The following ALS2CL variants were observed in gnomAD, a reference collection of about 807,000 sequenced individuals.
The protein encoded by ALS2CL is ALS2 C-terminal-like protein.
In ALS2CL, 112 loss-of-function variants were observed where a neutral mutation model predicts 127.9. The observed-to-expected ratio is 0.88, with a 90% confidence interval of 0.75 to 1.02. ALS2CL has a LOEUF of 1.02. ALS2CL is among the 50% of genes least tolerant of loss of function. ALS2CL has a pLI of 0.00. For missense variants in ALS2CL, 1,174 were observed against 1,236.7 expected (o/e 0.95, Z 0.76); for synonymous variants, 519 against 527.6 (o/e 0.98, Z 0.22).
At position 46,671,959 on chromosome 3, in the gene ALS2CL, C is replaced by G; in HGVS notation, c.2609G>C (p.Arg870Thr). 1 of 1,614,000 alleles carries G rather than the reference C, an allele frequency of 6.2e-7. No homozygotes were observed. ...CAGCTTGTACTCCCGGCCCAATACC[C>G]TCGACACCGTGCCCTCAATTTCCCC... ...TYGEIEGTVS[R>T]VLGREYKLPM... The change falls in exon 24 of 26, where the codon AGG becomes ACG. Residue 870 changes from arginine to threonine, a missense_variant. Coordinates refer to ENST00000318962, the MANE Select transcript of ALS2CL (RefSeq NM_147129.5).
Position 46,676,274 on chromosome 3 carries a change from C to A in ALS2CL, c.2157G>T (p.Gln719His). ...LQELAQEEVK[Q>H]HAQELWAAYR... ...AGGCAGCCCAGAGTTCCTGGGCATGCTGCTTCACCTCCTCCTGGGCCAGCT... is the reference window on the plus strand; with the variant it reads ...AGGCAGCCCAGAGTTCCTGGGCATGATGCTTCACCTCCTCCTGGGCCAGCT... The change falls in exon 19 of 26, where the codon CAG becomes CAT. Residue 719 changes from glutamine to histidine, a missense_variant. By Grantham distance (24) the Gln-to-His change is conservative. Transcript: ENST00000318962. 1 of 1,613,508 alleles carries A rather than the reference C, an allele frequency of 6.2e-7. No individual in the cohort carries two copies. The highest frequency in any genetic ancestry group is 1.1e-5 in the South Asian group (1 of 91,046).
At position 46,672,214 on chromosome 3, in the gene ALS2CL, G is replaced by C. The variant is rs1278838291; in HGVS notation, c.2473-13C>G. The C allele has an allele frequency of 1.2e-6, 2 of 1,614,010 alleles. No homozygotes were observed. The highest frequency in any genetic ancestry group is 1.7e-5 in the Admixed American group (1 of 60,024). ...CCAGGGAGTACCTCTGCATGGTGGA[G>C]GGAGTGGGCTGGATGAGGCCATGGC... is the stretch of plus-strand genomic sequence containing the variant. On this transcript the variant is annotated splice_polypyrimidine_tract_variant and intron_variant, in intron 22 of 25. Coordinates refer to ENST00000318962, the MANE Select transcript of ALS2CL (RefSeq NM_147129.5).
chr3:46,676,415 A>C lies in ALS2CL; in HGVS notation c.2029-13T>G. 1 of 1,613,648 alleles carries C rather than the reference A, an allele frequency of 6.2e-7. No individual in the cohort carries two copies. The highest frequency in any genetic ancestry group is 8.5e-7 in the Non-Finnish European group (1 of 1,179,882). On this transcript the variant is annotated splice_polypyrimidine_tract_variant and intron_variant, in intron 18 of 25. Transcript: ENST00000318962. ...AGTTGCTCAGAGCCTGGGCCAGTGC[A>C]TAGGCAACAGAGAGAGACTAAGCAC...
rs1699558850 is a variant in ALS2CL at position 46,683,836 on chromosome 3, G to A, written c.858C>T (p.His286=). 3.7e-6 allele frequency: 6 copies of A among 1,614,182 alleles called. No homozygotes were observed. The highest frequency in any genetic ancestry group is 3.3e-4 in the Middle Eastern group (2 of 6,062). ...AGAACTCTTCTTCGGGCGTGAGGAGGTGAAACGTGCACCTAGACAGACGGA... is the reference window on the plus strand; with the variant it reads ...AGAACTCTTCTTCGGGCGTGAGGAGATGAAACGTGCACCTAGACAGACGGA... The part of the protein sequence containing the change: ...VDPGQDGCTF[H]LLTPEEEFSF... Residue 286 remains histidine, a synonymous_variant, in exon 9 of 26, where the codon CAC becomes CAT. Transcript: ENST00000318962.
chr3:46,683,705 A>G (rs1699544483), intron 9 of ALS2CL, 77 bp downstream of exon 9: 2 of 1,547,276 alleles, frequency 1.3e-6, no homozygotes, highest in Admixed American at 1.7e-5. Flanking sequence ...GGGGCCCTGC[A>G]GGGTTGCATA....
At chr3:46,674,848 C>A (rs1279327900) in intron 20 of ALS2CL, 109 bp from the exon 21 acceptor site, 9 of 1,061,408 alleles carry the variant, frequency 8.5e-6, no homozygotes, top group Non-Finnish European at 1.2e-5. Context: ...GTGTCCTGGC[C>A]TCCAGCCTCC....
intron 7 of ALS2CL, among the ~76,000 whole-genome samples, chr3:46,684,437 C>T (rs1699615980): frequency 6.6e-6 from 1 of 152,182 alleles, no homozygotes; most frequent in African/African-American, 2.4e-5. Flanking sequence ...TCCACAATCA[C>T]ACCTTCATGA....
rs376119152 is a variant in ALS2CL, at chr3:46,688,136, C to G, written c.264G>C (p.Leu88=). 1 of 1,613,080 alleles carries G rather than the reference C, an allele frequency of 6.2e-7. No individual in the cohort carries two copies. Among genetic ancestry groups the G allele is most frequent in the Non-Finnish European group, 8.5e-7 (1 of 1,180,008 alleles). Reference sequence around the variant, plus strand: ...GCAGTACACGGTCAGCACCTCGCAGCAGCAGCAGGGACTCCAGACCGGTGG... The same window carrying G: ...GCAGTACACGGTCAGCACCTCGCAGGAGCAGCAGGGACTCCAGACCGGTGG... The part of the protein sequence containing the change: ...PDSTGLESLL[L]LRGADRVLQA... The change falls in exon 3 of 26, where the codon CTG becomes CTC. Residue 88 remains leucine, a synonymous_variant. Coordinates refer to ENST00000318962, the MANE Select transcript of ALS2CL (RefSeq NM_147129.5).
intron 15 of ALS2CL, 86 bp from the exon 16 acceptor site, chr3:46,678,475 G>A: frequency 6.7e-7 from 1 of 1,497,542 alleles, no homozygotes; most frequent in Non-Finnish European, 9.0e-7. Flanking sequence ...CTGTCCATCA[G>A]TGTCAGAGAG....
chr3:46,672,730 C>T (rs191035734), intron 22 of ALS2CL, among the ~76,000 whole-genome samples: 152 of 152,334 alleles, frequency 1.0e-3, no homozygotes, highest in Non-Finnish European at 1.7e-3. Flanking sequence ...CGCAGTGGCT[C>T]ACGCCTGTAA....
At chr3:46,688,358 T>G in intron 2 of ALS2CL, 62 bp from the exon 3 acceptor site, 1 of 1,513,514 alleles carries the variant, frequency 6.6e-7, no homozygotes, top group South Asian at 1.2e-5. Flanking sequence ...CCAGGGAACA[T>G]GCACAGGCCC....
chr3:46,675,375 G>C lies in ALS2CL; in HGVS notation c.2255+243C>G, dbSNP rs1698728169. On this transcript the variant is annotated intron_variant, in intron 20 of 25. Coordinates refer to ENST00000318962, the MANE Select transcript of ALS2CL (RefSeq NM_147129.5). ...CTTCTGCATGCGAAAGATGAGATTGGGATCATACATTTAGAACAAAGATGC... is the reference window on the plus strand; with the variant it reads ...CTTCTGCATGCGAAAGATGAGATTGCGATCATACATTTAGAACAAAGATGC... 3 of 515,276 alleles carry C rather than the reference G, an allele frequency of 5.8e-6. No homozygotes were observed. In the South Asian group the frequency reaches 8.1e-5, roughly 14 times the overall value. 31.9% of individuals were successfully genotyped at this position (515,276 alleles called of 1,614,324 possible). A position where few individuals can be genotyped will look rare whatever the true frequency, so the allele number is the denominator to read the frequency against.
chr3:46,686,177 T>C lies in ALS2CL; in HGVS notation c.666+131A>G, dbSNP rs962698176. 3.8e-6 allele frequency: 5 copies of C among 1,333,326 alleles called. No homozygotes were observed. The Admixed American group carries it at 1.5e-4, about 39-fold the overall frequency. The allele number at this position is 1,333,326 out of a possible 1,614,324, so 82.6% of individuals were successfully genotyped here. On this transcript the variant is annotated intron_variant, in intron 6 of 25. Coordinates refer to ENST00000318962, the MANE Select transcript of ALS2CL (RefSeq NM_147129.5). This position sits in a 1 kb window ranked among gnomAD's most constrained non-coding sequence, Gnocchi z 4.3. The stretch of plus-strand genomic sequence containing the variant: ...CAGAGGGACCTTACAGCCACCTGCT[T>C]CAGCCATCACTCCCCCTTCCATATA...
chr3:46,672,969 G>A (rs909162896), intron 22 of ALS2CL, among the ~76,000 whole-genome samples: 10 of 152,160 alleles, frequency 6.6e-5, no homozygotes, highest in Non-Finnish European at 8.8e-5. Flanking sequence ...TCGCACCACT[G>A]CACTCTAACC....
chr3:46,683,380 T>A, intron 9 of ALS2CL, 54 bp from the exon 10 acceptor site: 1 of 1,516,494 alleles, frequency 6.6e-7, no homozygotes, highest in Non-Finnish European at 8.9e-7. Flanking sequence ...AGGCTTTCCC[T>A]CCAGGAAGCC....
At chr3:46,677,376 C>G in intron 16 of ALS2CL, 1 of 1,090,720 alleles carries the variant, frequency 9.2e-7, no homozygotes, top group Non-Finnish European at 1.1e-6. Context: ...CCAAGACATC[C>G]CCCTCTGCCC....
At chr3:46,673,600 G>C (rs1156310568) in intron 21 of ALS2CL, among the ~76,000 whole-genome samples, 1 of 152,160 alleles carries the variant, frequency 6.6e-6, no homozygotes, top group Non-Finnish European at 1.5e-5. Flanking sequence ...GCTTGTATGA[G>C]CCAGGTCGTG....
In ALS2CL at chr3:46,686,960, A is replaced by G. The variant is rs1470968660; in HGVS notation, c.534+23T>C. 1 of 1,557,408 alleles carries G rather than the reference A, an allele frequency of 6.4e-7. No individual in the cohort carries two copies. The highest frequency in any genetic ancestry group is 2.3e-5 in the East Asian group (1 of 43,130). On this transcript the variant is annotated intron_variant, in intron 5 of 25. Transcript: ENST00000318962. The surrounding 1 kb of genome is among the most constrained non-coding windows in gnomAD (Gnocchi z 4.3). The stretch of plus-strand genomic sequence containing the variant: ...CCCTCCCTTCCCTCGGCTTCCCCAC[A>G]TGCTGCTGCCCCTGGTACCCACCTC...
Position 46,687,675 on chromosome 3 carries a change from C to T in ALS2CL, c.312G>A (p.Glu104=), listed in dbSNP as rs1255287423. The part of the protein sequence containing the change: ...RVLQAHIEYI[E]SYTSCMVVQA... ...GCACCACCATGCAGCTTGTGTAGGACTCAATGTACCTGCAGGCAGCACAGG... is the reference window on the plus strand; with the variant it reads ...GCACCACCATGCAGCTTGTGTAGGATTCAATGTACCTGCAGGCAGCACAGG... Residue 104 remains glutamate, a synonymous_variant, in exon 4 of 26, where the codon GAG becomes GAA. Coordinates refer to ENST00000318962, the MANE Select transcript of ALS2CL (RefSeq NM_147129.5). 6.2e-7 allele frequency: 1 copy of T among 1,612,746 alleles called. No homozygotes were observed. The highest frequency in any genetic ancestry group is 1.7e-5 in the Admixed American group (1 of 59,840).
Sources: allele counts gnomAD v4.1 joint callset (sites outside exome capture counted in the v4.1 genomes callset), GRCh38; gene constraint gnomAD v4.1.1; non-coding constraint Gnocchi (gnomAD v3.1); transcripts MANE v1.5; gene names NCBI Gene and HGNC (gene_info 2026-07-23, HGNC 2026-07-21).